COX7B2: variants seen among roughly 807,000 people sequenced by gnomAD.
COX7B2 encodes the protein cytochrome c oxidase subunit 7B2, mitochondrial.
For missense variants in COX7B2, 109 were observed against 95.9 expected, an observed-to-expected ratio of 1.14 and a Z score of -0.57; for synonymous variants, 37 against 32.1, an observed-to-expected ratio of 1.15 and a Z score of -0.51.
chr4:46,752,099 A>G (rs951477666), intron 2 of COX7B2, among the ~76,000 whole-genome samples: 1 of 152,012 alleles, frequency 6.6e-6, no homozygotes, highest in Admixed American at 6.6e-5. Context: ...TTCCTTGTGC[A>G]GTGGTTTGTA....
chr4:46,798,462 A>G (rs1011253163), intron 2 of COX7B2, among the ~76,000 whole-genome samples: 4 of 152,198 alleles, frequency 2.6e-5, no homozygotes, highest in African/African-American at 9.7e-5. Flanking sequence ...CATATAACCC[A>G]GCATACCCTG....
chr4:46,903,460 T>C (rs193067306), intron 1 of COX7B2, among the ~76,000 whole-genome samples: 52 of 141,868 alleles, frequency 3.7e-4, no homozygotes, highest in Middle Eastern at 3.6e-3. Context: ...AATTACTTAG[T>C]TTTTTTTTTT....
chr4:46,787,666 G>A (rs1717821566), intron 2 of COX7B2, among the ~76,000 whole-genome samples: 1 of 152,128 alleles, frequency 6.6e-6, no homozygotes, highest in Non-Finnish European at 1.5e-5. Context: ...CATTTGAGAT[G>A]CAAGGGCTAA....
At chr4:46,847,881 C>T (rs1716398752) in intron 1 of COX7B2, among the ~76,000 whole-genome samples, 1 of 151,992 alleles carries the variant, frequency 6.6e-6, no homozygotes, top group Admixed American at 6.6e-5. Flanking sequence ...CGGGTTCAGC[C>T]ACTTCCACTC....
At chr4:46,842,852 C>G (rs1716026165) in intron 2 of COX7B2, among the ~76,000 whole-genome samples, 1 of 152,044 alleles carries the variant, frequency 6.6e-6, no homozygotes, top group African/African-American at 2.4e-5. Context: ...AATAGTGCTG[C>G]TATAAACATA....
chr4:46,738,602 A>G (rs1714511818), intron 2 of COX7B2, among the ~76,000 whole-genome samples: 1 of 152,026 alleles, frequency 6.6e-6, no homozygotes, highest in Admixed American at 6.6e-5. Context: ...TATTGTTTAA[A>G]CCCATATTAC....
chr4:46,739,671 TAGAC>T (rs1156552521), intron 2 of COX7B2, among the ~76,000 whole-genome samples: 4 of 152,124 alleles, frequency 2.6e-5, no homozygotes, highest in East Asian at 3.9e-4. Context: ...TATTTTGAAA[TAGAC>T]AGAAACAAAA....
At chr4:46,870,408 C>T (rs906622685) in intron 1 of COX7B2, among the ~76,000 whole-genome samples, 3 of 152,108 alleles carry the variant, frequency 2.0e-5, no homozygotes, top group African/African-American at 4.8e-5. Context: ...GGAAACATTC[C>T]TTTTGAAAGC....
intron 2 of COX7B2, among the ~76,000 whole-genome samples, chr4:46,839,915 C>T (rs1304277413): frequency 6.6e-6 from 1 of 151,906 alleles, no homozygotes; most frequent in African/African-American, 2.4e-5. Flanking sequence ...GAAACTTATA[C>T]CATTAACTTT....
intron 2 of COX7B2, among the ~76,000 whole-genome samples, chr4:46,787,420 C>T (rs551758552): frequency 6.6e-6 from 1 of 151,864 alleles, no homozygotes; most frequent in South Asian, 2.1e-4. Flanking sequence ...GCACTCCAGC[C>T]TGGACAACAA....
chr4:46,828,800 C>T (rs1207714874), intron 2 of COX7B2, among the ~76,000 whole-genome samples: 2 of 152,018 alleles, frequency 1.3e-5, no homozygotes, highest in African/African-American at 2.4e-5. Context: ...GAAGTCTTGT[C>T]TATGGATATG....
At chr4:46,873,622 C>T (rs1577682529) in intron 1 of COX7B2, among the ~76,000 whole-genome samples, 4 of 152,136 alleles carry the variant, frequency 2.6e-5, no homozygotes, top group South Asian at 4.2e-4. Context: ...TTAATTAATA[C>T]ATAAATCACC....
intron 2 of COX7B2, among the ~76,000 whole-genome samples, chr4:46,805,035 G>C (rs1718920980): frequency 6.6e-6 from 1 of 152,288 alleles, no homozygotes; most frequent in East Asian, 1.9e-4. Context: ...TGCTGGCCCA[G>C]GTGCTAACCT....
intron 2 of COX7B2, among the ~76,000 whole-genome samples, chr4:46,763,176 A>G (rs1352551482): frequency 2.2e-5 from 3 of 135,538 alleles, no homozygotes; most frequent in African/African-American, 8.2e-5. Context: ...ATATATATTT[A>G]TATACTGTAA....
chr4:46,850,341 A>C (rs1232275660), intron 1 of COX7B2, among the ~76,000 whole-genome samples: 3 of 152,076 alleles, frequency 2.0e-5, no homozygotes, highest in Non-Finnish European at 2.9e-5. Context: ...TTACACTTTG[A>C]TTCTGTTAAC....
chr4:46,906,735 C>A (rs1720414543), intron 1 of COX7B2, among the ~76,000 whole-genome samples: 2 of 152,170 alleles, frequency 1.3e-5, no homozygotes. Flanking sequence ...ACCATTCAAA[C>A]ACATATTTTC....
chr4:46,738,550 T>C (rs1214694509), intron 2 of COX7B2, among the ~76,000 whole-genome samples: 2 of 152,098 alleles, frequency 1.3e-5, no homozygotes, highest in African/African-American at 2.4e-5. Context: ...TTTATCTTTA[T>C]AAAATACATG....
intron 2 of COX7B2, among the ~76,000 whole-genome samples, chr4:46,830,639 A>T (rs1715018396): frequency 6.6e-6 from 1 of 152,228 alleles, no homozygotes; most frequent in African/African-American, 2.4e-5. Flanking sequence ...GGTTGAGGCA[A>T]TGCTAACTGA....
chr4:46,764,913 C>T (rs936176011), intron 2 of COX7B2, among the ~76,000 whole-genome samples: 1 of 151,636 alleles, frequency 6.6e-6, no homozygotes, highest in Non-Finnish European at 1.5e-5. Flanking sequence ...CACAAATGAA[C>T]TACAAAACAG....
Sources: gnomAD v4.1 joint callset for allele counts (sites outside exome capture counted in the v4.1 genomes callset) on GRCh38, gnomAD v4.1.1 for gene constraint, MANE v1.5 for transcripts, NCBI Gene and HGNC (gene_info 2026-07-23, HGNC 2026-07-21) for gene names.